The following SYNPO2 variants were observed in gnomAD, a reference collection of about 807,000 sequenced individuals.
SYNPO2 encodes synaptopodin 2, also known as synaptopodin-2.
A neutral mutation model predicts 85.0 loss-of-function variants in SYNPO2; 56 were observed. The ratio of observed to expected loss-of-function variants is 0.66; its 90% CI spans 0.53 to 0.82. The LOEUF is 0.82. Ranked by LOEUF, SYNPO2 falls within the 40% of genes least tolerant of loss-of-function variation. SYNPO2 has a pLI of 0.00. For missense variants in SYNPO2, 1,575 were observed against 1,534.2 expected, an observed-to-expected ratio of 1.03 and a Z score of -0.44; for synonymous variants, 602 against 591.1, an observed-to-expected ratio of 1.02 and a Z score of -0.27.
At chr4:118,989,485 G>A (rs1188870033) in intron 1 of SYNPO2, among the ~76,000 whole-genome samples, 2 of 152,164 alleles carry the variant, frequency 1.3e-5, no homozygotes, top group Non-Finnish European at 2.9e-5. Context: ...GCAAGCCTGA[G>A]GGCATCTGAA....
chr4:119,005,701 G>A (rs1220168865), intron 1 of SYNPO2, among the ~76,000 whole-genome samples: 1 of 151,992 alleles, frequency 6.6e-6, no homozygotes, highest in Non-Finnish European at 1.5e-5. Flanking sequence ...GGATTGACTT[G>A]GTGATGTGGG....
intron 1 of SYNPO2, among the ~76,000 whole-genome samples, chr4:118,939,630 G>T (rs1333836215): frequency 6.6e-6 from 1 of 152,186 alleles, no homozygotes; most frequent in Non-Finnish European, 1.5e-5. Context: ...TATTATGAGA[G>T]AGTGAGCCAG....
chr4:118,964,639 T>G (rs936309093), intron 1 of SYNPO2, among the ~76,000 whole-genome samples: 1 of 152,204 alleles, frequency 6.6e-6, no homozygotes, highest in African/African-American at 2.4e-5. Context: ...TATCTCCATC[T>G]TTCTCTCTCT....
At chr4:118,983,326 C>A (rs962627699) in intron 1 of SYNPO2, among the ~76,000 whole-genome samples, 3 of 152,122 alleles carry the variant, frequency 2.0e-5, no homozygotes, top group Non-Finnish European at 4.4e-5. Flanking sequence ...ATTCTCTCTG[C>A]CTCCATTCAC....
intron 4 of SYNPO2, chr4:119,043,061 G>GGTTGT (rs1553949752): frequency 3.3e-5 from 5 of 150,714 alleles, no homozygotes; most frequent in South Asian, 2.1e-4. Flanking sequence ...TTGGTTGGTT[G>GGTTGT]TTTTTTTTCT....
Position 119,030,238 on chromosome 4 carries a change from C to A in SYNPO2, c.1463C>A (p.Thr488Lys). The change falls in exon 4 of 5, where the codon ACA (threonine) becomes AAA (lysine). Residue 488 changes from threonine to lysine, a missense_variant. Around this residue, in one of 3 missense-constraint regions of SYNPO2, gnomAD observed 1,508 missense variants for 1,446.8 expected, o/e 1.04. Coordinates refer to ENST00000307142, the MANE Select transcript of SYNPO2 (RefSeq NM_133477.3). ...AAGATGGAGATGTTACCAGACACCA[C>A]AGGCAAGGGAGCCCTCATGTTTGCC... ...GDKMEMLPDT[T>K]GKGALMFAKR... The A allele has an allele frequency of 6.2e-7, 1 of 1,614,000 alleles. No individual in the cohort carries two copies.
intron 1 of SYNPO2, among the ~76,000 whole-genome samples, chr4:118,944,811 G>A (rs775226316): frequency 3.3e-5 from 5 of 152,120 alleles, no homozygotes; most frequent in Middle Eastern, 3.2e-3. Flanking sequence ...TAGAATGCCT[G>A]AAAAATACCC....
chr4:119,005,235 G>C (rs1273322081), intron 1 of SYNPO2, among the ~76,000 whole-genome samples: 5 of 152,122 alleles, frequency 3.3e-5, no homozygotes, highest in Non-Finnish European at 7.4e-5. Context: ...AGTTTAATTA[G>C]ATCCCATTTG....
At chr4:118,988,558 C>G (rs1736303228) in intron 1 of SYNPO2, among the ~76,000 whole-genome samples, 1 of 152,150 alleles carries the variant, frequency 6.6e-6, no homozygotes. Flanking sequence ...TCCAGCATTT[C>G]CTTTAGAAAA....
At chr4:118,880,745 C>T (rs4833594) in intron 1 of SYNPO2, among the ~76,000 whole-genome samples, 90,806 of 140,446 alleles carry the variant, frequency 0.65, 29,107 homozygotes, top group East Asian at 0.71. Context: ...AGACTCTGTC[C>T]CAAAAAAAAA....
At position 119,031,693 on chromosome 4, in the gene SYNPO2, A is replaced by G. The variant is rs375644391; in HGVS notation, c.2918A>G (p.Asn973Ser). ...ATGAAGCACCAACCGTATCAGCTCA[A>G]TGCATCCTTGTTTACTTTCCAACCT... is the stretch of plus-strand genomic sequence containing the variant. The part of the protein sequence containing the change: ...DVMKHQPYQL[N>S]ASLFTFQPPD... Residue 973 changes from asparagine to serine, a missense_variant, in exon 4 of 5, where the codon AAT becomes AGT. Coordinates refer to ENST00000307142, the MANE Select transcript of SYNPO2 (RefSeq NM_133477.3). 253 of 1,614,070 alleles carry G rather than the reference A, an allele frequency of 1.6e-4. No individual in the cohort carries two copies. The highest frequency in any genetic ancestry group is 2.1e-4 in the Non-Finnish European group (247 of 1,180,044).
intron 1 of SYNPO2, among the ~76,000 whole-genome samples, chr4:119,020,243 AT>A (rs1235617573): frequency 1.3e-5 from 2 of 152,118 alleles, no homozygotes; most frequent in Non-Finnish European, 2.9e-5. Flanking sequence ...TGAGGGAAAA[AT>A]ATTTCTTGTT....
At chr4:118,908,567 G>T (rs957455814) in intron 1 of SYNPO2, among the ~76,000 whole-genome samples, 2 of 152,148 alleles carry the variant, frequency 1.3e-5, no homozygotes, top group African/African-American at 4.8e-5. Context: ...GGGCAGGAAG[G>T]TATTAAAGCT....
chr4:118,990,712 G>A (rs1023757333), intron 1 of SYNPO2, among the ~76,000 whole-genome samples: 16 of 152,278 alleles, frequency 1.1e-4, no homozygotes, highest in Middle Eastern at 3.4e-3. Context: ...GGGTTCAAGC[G>A]ATGCTCGTGC....
intron 4 of SYNPO2, among the ~76,000 whole-genome samples, chr4:119,046,385 G>C (rs867568051): frequency 6.6e-6 from 1 of 152,204 alleles, no homozygotes; most frequent in South Asian, 2.1e-4. Context: ...GAGGTCAGTG[G>C]CAATGTTTCT....
Position 118,871,614 on chromosome 4 carries a change from G to A in SYNPO2, c.12+20674G>A, listed in dbSNP as rs1731801887. Among the ~76,000 whole-genome samples, 4 of 148,084 alleles carry A rather than the reference G, an allele frequency of 2.7e-5. No individual in the cohort carries two copies. The South Asian group carries it at 8.4e-4, about 31-fold the overall frequency. Reference sequence around the variant, plus strand: ...GACAGTGTCTTGCTCTGTCACCCAGGCTGGAGTGCAGTGGCACAATCTCAG... The same window carrying A: ...GACAGTGTCTTGCTCTGTCACCCAGACTGGAGTGCAGTGGCACAATCTCAG... On this transcript the variant is annotated intron_variant, in intron 1 of 4. Transcript: ENST00000610556.
chr4:118,901,746 C>T (rs1210659344), intron 1 of SYNPO2, among the ~76,000 whole-genome samples: 1 of 152,224 alleles, frequency 6.6e-6, no homozygotes, highest in Non-Finnish European at 1.5e-5. Context: ...ACCCTCCACC[C>T]TGCTGGGAGG....
chr4:119,025,138 A>T (rs1212386542), intron 2 of SYNPO2, among the ~76,000 whole-genome samples: 1 of 152,162 alleles, frequency 6.6e-6, no homozygotes, highest in Admixed American at 6.5e-5. Context: ...GATAAATGTT[A>T]ATATTTATCT....
At chr4:119,007,933 T>G (rs1737142897) in intron 1 of SYNPO2, among the ~76,000 whole-genome samples, 1 of 152,200 alleles carries the variant, frequency 6.6e-6, no homozygotes, top group African/African-American at 2.4e-5. Flanking sequence ...TGTAGACTCA[T>G]GAAGAATTTG....
Sources: gnomAD v4.1 joint callset for allele counts (sites outside exome capture counted in the v4.1 genomes callset) on GRCh38, gnomAD v4.1.1 for gene constraint, gnomAD v4.1.1 regional missense constraint, MANE v1.5 for transcripts, NCBI Gene and HGNC (gene_info 2026-07-23, HGNC 2026-07-21) for gene names.